The following RAB5A variants were observed in gnomAD, a reference collection of about 807,000 sequenced individuals.
The protein encoded by RAB5A is ras-related protein Rab-5A.
RAB5A carries 8 observed loss-of-function variants against 25.7 expected under a neutral mutation model. That is an observed-to-expected ratio of 0.31 (90% CI 0.18 to 0.56). The LOEUF is 0.56. Among genes scored for constraint, RAB5A ranks in the 20% least tolerant of loss-of-function variants. The probability of loss-of-function intolerance (pLI) is 0.91; values close to 1 mark genes in which losing one functional copy is unlikely to be tolerated. For missense variants in RAB5A, 192 were observed against 259.7 expected (o/e 0.74, Z 1.79); for synonymous variants, 98 against 89.8 (o/e 1.09, Z -0.52).
At chr3:19,976,229 G>A (rs1696823290) in intron 4 of RAB5A, 60 bp downstream of exon 4, 6 of 1,538,476 alleles carry the variant, frequency 3.9e-6, no homozygotes, top group African/African-American at 1.4e-5. Context: ...TTTCTTTCAT[G>A]TCAACACTTG....
At chr3:19,953,778 A>G (rs1328605602) in intron 2 of RAB5A, among the ~76,000 whole-genome samples, 1 of 152,188 alleles carries the variant, frequency 6.6e-6, no homozygotes, top group Admixed American at 6.5e-5. Flanking sequence ...TTCAGGAGGT[A>G]TGACAGTACC....
intron 1 of RAB5A, 33 bp from the exon 2 acceptor site, chr3:19,950,773 T>A: frequency 2.1e-6 from 2 of 943,266 alleles, no homozygotes; most frequent in East Asian, 2.6e-5. Flanking sequence ...CTTTACTGAT[T>A]TGTATATTTA....
chr3:19,983,579 A>C, intron 5 of RAB5A, 129 bp from the exon 6 acceptor site: 1 of 669,798 alleles, frequency 1.5e-6, no homozygotes, highest in East Asian at 2.8e-5. Context: ...ACATTTGAAA[A>C]GAATGAACAT....
At chr3:19,968,612 C>T (rs1696693375) in intron 2 of RAB5A, among the ~76,000 whole-genome samples, 1 of 152,172 alleles carries the variant, frequency 6.6e-6, no homozygotes, top group African/African-American at 2.4e-5. Context: ...GCACGTGCCA[C>T]CATGCCCAGC....
At chr3:19,956,362 G>A (rs1696502000) in intron 2 of RAB5A, among the ~76,000 whole-genome samples, 1 of 152,070 alleles carries the variant, frequency 6.6e-6, no homozygotes, top group African/African-American at 2.4e-5. Context: ...GCTGAGGCAG[G>A]AGAAACATTT....
At chr3:19,960,857 G>A (rs1221052990) in intron 2 of RAB5A, among the ~76,000 whole-genome samples, 2 of 152,198 alleles carry the variant, frequency 1.3e-5, no homozygotes, top group Non-Finnish European at 1.5e-5. Flanking sequence ...AGTGTTCGCA[G>A]TAGTAGTTGT....
At chr3:19,973,095 G>A (rs910057382) in intron 2 of RAB5A, among the ~76,000 whole-genome samples, 1 of 152,190 alleles carries the variant, frequency 6.6e-6, no homozygotes, top group African/African-American at 2.4e-5. Flanking sequence ...ATGCTTTAAA[G>A]TATACAGGAG....
intron 2 of RAB5A, 100 bp downstream of exon 2, chr3:19,951,161 C>T: frequency 7.3e-7 from 1 of 1,361,902 alleles, no homozygotes; most frequent in Non-Finnish European, 1.0e-6. Context: ...CTAAATAAGT[C>T]ATAGAGTGAA....
Sources: gnomAD v4.1 joint callset for allele counts (sites outside exome capture counted in the v4.1 genomes callset) on GRCh38, gnomAD v4.1.1 for gene constraint, MANE v1.5 for transcripts, NCBI Gene and HGNC (gene_info 2026-07-23, HGNC 2026-07-21) for gene names.